The following MTCH2 variants were observed in gnomAD, a reference collection of about 807,000 sequenced individuals.
MTCH2 encodes the protein mitochondrial carrier homolog 2.
In MTCH2, 25 loss-of-function variants were observed where a neutral mutation model predicts 50.6. The observed-to-expected ratio is 0.49, with a 90% CI of 0.36 to 0.69. The LOEUF (loss-of-function observed/expected upper bound fraction) is 0.69. Ranked by LOEUF, MTCH2 falls within the 30% of genes least tolerant of loss-of-function variation. The probability of loss-of-function intolerance (pLI) is 0.00; values close to 1 mark genes in which losing one functional copy is unlikely to be tolerated. For synonymous variants in MTCH2, 106 were observed against 132.0 expected, an observed-to-expected ratio of 0.80 and a Z score of 1.35; for missense variants, 273 against 384.4, an observed-to-expected ratio of 0.71 and a Z score of 2.42.
intron 1 of MTCH2, among the ~76,000 whole-genome samples, chr11:47,640,892 TTTTTG>T (rs964135295): frequency 1.1e-4 from 16 of 151,954 alleles, no homozygotes; most frequent in African/African-American, 3.9e-4. Context: ...AGTGGGTTCT[TTTTTG>T]TTTTGTTTTG....
intron 12 of MTCH2, among the ~76,000 whole-genome samples, chr11:47,621,546 C>T (rs1053406354): frequency 6.6e-6 from 1 of 151,976 alleles, no homozygotes; most frequent in African/African-American, 2.4e-5. Context: ...AATTCTCTTC[C>T]CTCAGCCTCC....
the MTCH2 span, among the ~76,000 whole-genome samples, chr11:47,609,218 G>A: frequency 6.6e-6 from 1 of 151,250 alleles, no homozygotes; most frequent in Non-Finnish European, 1.5e-5. Flanking sequence ...ACTTTGGGAG[G>A]CCGAGGCGGG....
chr11:47,625,885 A>C, intron 10 of MTCH2, 144 bp from the exon 11 acceptor site: 1 of 570,928 alleles, frequency 1.8e-6, no homozygotes, highest in Non-Finnish European at 3.1e-6. Flanking sequence ...GACAACAGTT[A>C]CAGTTTTGAG....
intron 8 of MTCH2, among the ~76,000 whole-genome samples, chr11:47,629,586 C>T (rs1350046453): frequency 6.6e-6 from 1 of 152,058 alleles, no homozygotes; most frequent in Non-Finnish European, 1.5e-5. Context: ...AGACCAGCTT[C>T]AAATGCCAGC....
intron 4 of MTCH2, among the ~76,000 whole-genome samples, chr11:47,634,995 T>C (rs528267626): frequency 6.6e-6 from 1 of 151,898 alleles, no homozygotes; most frequent in South Asian, 2.1e-4. Context: ...ATGGTCTCGA[T>C]TTCCTGACCT....
At chr11:47,637,827 G>T (rs988648012) in intron 3 of MTCH2, among the ~76,000 whole-genome samples, 1 of 152,036 alleles carries the variant, frequency 6.6e-6, no homozygotes, top group Non-Finnish European at 1.5e-5. Flanking sequence ...CAAATTCCAG[G>T]TCCTTGGCTA....
chr11:47,639,004 C>G lies in MTCH2; in HGVS notation c.135G>C (p.Gly45=). 1 of 1,613,872 alleles carries G rather than the reference C, an allele frequency of 6.2e-7. No individual in the cohort carries two copies. The highest frequency in any genetic ancestry group is 1.1e-5 in the South Asian group (1 of 90,964). Reference sequence around the variant, plus strand: ...GACCAGGAAGCTGACACACTTGCCGCCCAAAAATATTTCGTCCTATTGTTG... The same window carrying G: ...GACCAGGAAGCTGACACACTTGCCGGCCAAAAATATTTCGTCCTATTGTTG... ...LPPTIGRNIF[G]RQVCQLPGLF... is the part of the protein sequence containing the mutation. Residue 45 remains glycine (G), a synonymous_variant, in exon 2 of 13, where the codon GGG becomes GGC. Coordinates refer to ENST00000302503, the MANE Select transcript of MTCH2 (RefSeq NM_014342.4).
intron 12 of MTCH2, among the ~76,000 whole-genome samples, chr11:47,619,478 C>A (rs2097291221): frequency 6.6e-6 from 1 of 152,210 alleles, no homozygotes; most frequent in East Asian, 1.9e-4. Context: ...AAGTGATCCG[C>A]CTATCTTGGC....
At chr11:47,632,182 T>C (rs971501457) in intron 5 of MTCH2, among the ~76,000 whole-genome samples, 1 of 152,088 alleles carries the variant, frequency 6.6e-6, no homozygotes. Flanking sequence ...AGAGAACAAT[T>C]TTGTTTTGTG....
rs538935789 is a variant in MTCH2 at position 47,641,794 on chromosome 11, C to T, written c.87+585G>A. On this transcript the variant is annotated intron_variant, in intron 1 of 12. Transcript: ENST00000302503. The stretch of plus-strand genomic sequence containing the variant: ...AGCGCTCAATGCATCCTTCCGAAAT[C>T]TGACAGAGCAACCCCTTCATTAACA... Among the ~76,000 whole-genome samples, 14 of 152,280 alleles carry T rather than the reference C, an allele frequency of 9.2e-5. No individual in the cohort carries two copies. The East Asian group carries it at 2.7e-3, about 29-fold the overall frequency.
At chr11:47,642,159 G>A (rs2097314832) in intron 1 of MTCH2, among the ~76,000 whole-genome samples, 1 of 152,110 alleles carries the variant, frequency 6.6e-6, no homozygotes, top group Non-Finnish European at 1.5e-5. Flanking sequence ...AGGGAGGAGA[G>A]GGCCTCAACG....
intron 5 of MTCH2, among the ~76,000 whole-genome samples, chr11:47,633,840 G>A (rs1186935952): frequency 6.6e-6 from 1 of 151,410 alleles, no homozygotes; most frequent in Non-Finnish European, 1.5e-5. Flanking sequence ...CCCAGCCTTT[G>A]GAATATGTAT....
chr11:47,627,409 A>T (rs1026561360), intron 9 of MTCH2, among the ~76,000 whole-genome samples: 5 of 148,718 alleles, frequency 3.4e-5, no homozygotes, highest in Non-Finnish European at 6.0e-5. Context: ...TCCCACCTTG[A>T]CCTCTCAAAG....
intron 6 of MTCH2, among the ~76,000 whole-genome samples, chr11:47,631,332 C>G (rs1337716745): frequency 6.6e-6 from 1 of 152,118 alleles, no homozygotes; most frequent in South Asian, 2.1e-4. Context: ...CTGCTTGAAC[C>G]CGGAAGGCTG....
chr11:47,617,195 C>T (rs944436867), downstream of MTCH2: 1 of 152,190 alleles, frequency 6.6e-6, no homozygotes, highest in Non-Finnish European at 1.5e-5. Context: ...ACCCAACTTG[C>T]ACAGGAAAAA....
At chr11:47,612,664 A>C (rs1598825235), downstream of MTCH2, among the ~76,000 whole-genome samples, 1 of 151,378 alleles carries the variant, frequency 6.6e-6, no homozygotes, top group East Asian at 2.0e-4. Context: ...TGGAGGCTGC[A>C]GTGAGCTGAG....
chr11:47,628,928 A>G (rs1414423176), intron 9 of MTCH2, 25 bp downstream of exon 9: 1 of 1,594,168 alleles, frequency 6.3e-7, no homozygotes, highest in African/African-American at 1.3e-5. Flanking sequence ...CAAGGTGAGC[A>G]CATCTCACGA....
In MTCH2 at chr11:47,639,703, G is replaced by A. The variant is rs763602500; in HGVS notation, c.88-652C>T. Among the ~76,000 whole-genome samples, 16 of 152,058 alleles carry A rather than the reference G, an allele frequency of 1.1e-4. No individual in the cohort carries two copies. The South Asian group carries it at 1.2e-3, about 12-fold the overall frequency. On this transcript the variant is annotated intron_variant, in intron 1 of 12. Transcript: ENST00000302503. ...GAACTAAAAAATTAGCCGGGCGTAG[G>A]GGCGGGCGCCTGTAATCTCAGCTAC...
rs753559463 is a variant in MTCH2, at chr11:47,625,626, C to T, written c.749+48G>A. On this transcript the variant is annotated intron_variant, in intron 11 of 12. Transcript: ENST00000302503. ...ATTTCTACAAGGCTGCTCCGCCTGT[C>T]AGCATACAGTCAACCACCTACTAGA... The T allele has an allele frequency of 8.0e-6, 9 of 1,130,982 alleles. No individual in the cohort carries two copies. In the East Asian group the frequency reaches 2.3e-4, roughly 29 times the overall value. The allele number at this position is 1,130,982 out of a possible 1,614,324, so 70.1% of individuals were successfully genotyped here. A position where few individuals can be genotyped will look rare whatever the true frequency, so the allele number is the denominator to read the frequency against.
Sources: allele counts gnomAD v4.1 joint callset (sites outside exome capture counted in the v4.1 genomes callset), GRCh38; gene constraint gnomAD v4.1.1; transcripts MANE v1.5; gene names NCBI Gene and HGNC (gene_info 2026-07-23, HGNC 2026-07-21).